Variants in RTN4 observed in about 807,000 individuals in gnomAD.
RTN4 encodes the protein reticulon-4.
In RTN4, 32 loss-of-function variants were observed where a neutral mutation model predicts 90.4. The observed-to-expected ratio is 0.35, with a 90% confidence interval of 0.27 to 0.48. The LOEUF (loss-of-function observed/expected upper bound fraction) is 0.48. Ranked by LOEUF, RTN4 falls within the 20% of genes least tolerant of loss-of-function variation. RTN4 has a pLI of 0.99. For missense variants in RTN4, 1,706 were observed against 1,430.2 expected, an observed-to-expected ratio of 1.19 and a Z score of -3.11; for synonymous variants, 629 against 552.5, an observed-to-expected ratio of 1.14 and a Z score of -1.94.
chr2:54,993,588 A>C (rs1379316021), intron 3 of RTN4, among the ~76,000 whole-genome samples: 1 of 152,202 alleles, frequency 6.6e-6, no homozygotes, highest in East Asian at 1.9e-4. Context: ...CGGTCTTTTC[A>C]ATAAATGGAA....
intron 1 of RTN4, among the ~76,000 whole-genome samples, chr2:55,045,201 A>T (rs182186324): frequency 1.2e-3 from 188 of 152,322 alleles, no homozygotes; most frequent in African/African-American, 4.0e-3. Context: ...ATTTTATACA[A>T]ATTTTCATGG....
intron 3 of RTN4, among the ~76,000 whole-genome samples, chr2:55,002,010 T>C (rs1473810971): frequency 6.6e-6 from 1 of 152,152 alleles, no homozygotes; most frequent in Admixed American, 6.5e-5. Flanking sequence ...TTCATAGTTA[T>C]TGGTTTTTAT....
At chr2:55,016,827 G>A (rs1314483996) in intron 3 of RTN4, among the ~76,000 whole-genome samples, 1 of 152,074 alleles carries the variant, frequency 6.6e-6, no homozygotes, top group African/African-American at 2.4e-5. Context: ...CTAAAATATT[G>A]AAGCTCAAGT....
At chr2:54,991,477 T>C (rs1013778038) in intron 3 of RTN4, among the ~76,000 whole-genome samples, 3 of 152,170 alleles carry the variant, frequency 2.0e-5, no homozygotes, top group East Asian at 1.9e-4. Flanking sequence ...AGCTCAGCAA[T>C]TGTGTGATTT....
chr2:54,982,557 G>A lies in RTN4; in HGVS notation c.3318C>T (p.Leu1106=), dbSNP rs1473227859. The change falls in exon 5 of 9, where the codon CTC becomes CTT. Residue 1106 remains leucine (L), a synonymous_variant. Transcript: ENST00000337526. ...LGHVNCTIKE[L]RRLFLVDDLV... ...AATCATCAACTAAGAAGAGGCGCCTGAGTTCCTTTATCGTGCAGTTCACAT... is the reference window on the plus strand; with the variant it reads ...AATCATCAACTAAGAAGAGGCGCCTAAGTTCCTTTATCGTGCAGTTCACAT... 2 of 1,613,296 alleles carry A rather than the reference G, an allele frequency of 1.2e-6. No individual in the cohort carries two copies. The highest frequency in any genetic ancestry group is 1.7e-6 in the Non-Finnish European group (2 of 1,179,820).
intron 1 of RTN4, among the ~76,000 whole-genome samples, chr2:55,081,265 C>T (rs1200721310): frequency 1.3e-5 from 2 of 151,948 alleles, no homozygotes; most frequent in African/African-American, 4.8e-5. Context: ...TTTGTAGAGA[C>T]AGGGTCTCAC....
chr2:55,118,098 T>G, the RTN4 span, among the ~76,000 whole-genome samples: 2 of 152,310 alleles, frequency 1.3e-5, no homozygotes, highest in Admixed American at 6.5e-5. Flanking sequence ...AACAAGCTTC[T>G]AAATGTTGCT....
chr2:54,985,153 C>CTTTTTTTTTT (rs71769973), intron 4 of RTN4, among the ~76,000 whole-genome samples: 5 of 57,896 alleles, frequency 8.6e-5, no homozygotes, highest in African/African-American at 2.9e-4. Flanking sequence ...ATGACTCGGC[C>CTTTTTTTTTT]TTTTTTTTTT....
intron 3 of RTN4, among the ~76,000 whole-genome samples, chr2:55,022,067 A>G (rs1444969513): frequency 5.3e-5 from 8 of 152,158 alleles, no homozygotes; most frequent in African/African-American, 1.4e-4. Context: ...CCTTACTTCT[A>G]AACTATTAGG....
chr2:55,049,725 C>T lies in RTN4; in HGVS notation c.556+20G>A. 7.2e-7 allele frequency: 1 copy of T among 1,393,588 alleles called. No homozygotes were observed. The highest frequency in any genetic ancestry group is 9.4e-7 in the Non-Finnish European group (1 of 1,066,032). 86.3% of individuals were successfully genotyped at this position (1,393,588 alleles called of 1,614,324 possible). A position where few individuals can be genotyped will look rare whatever the true frequency, so the allele number is the denominator to read the frequency against. ...GAGGGGCGCGAGGGGCGGCGCGAAG[C>T]GAGAGGTCGCGGCACTCACCCACTG... On this transcript the variant is annotated intron_variant, in intron 1 of 8. Transcript: ENST00000337526.
intron 1 of RTN4, among the ~76,000 whole-genome samples, chr2:55,043,022 A>C (rs1029309955): frequency 1.3e-5 from 2 of 152,230 alleles, no homozygotes; most frequent in African/African-American, 4.8e-5. Context: ...TCAATAGCTT[A>C]AATATGAAAT....
rs1668039348 is a variant in RTN4, at chr2:55,050,376, G to T, written c.-76C>A. 2.0e-6 allele frequency: 2 copies of T among 988,364 alleles called. No individual in the cohort carries two copies. Among genetic ancestry groups the T allele is most frequent in the Non-Finnish European group, 2.8e-6 (2 of 725,720 alleles). The allele number at this position is 988,364 out of a possible 1,614,324, so 61.2% of individuals were successfully genotyped here. ...GCGTCTCAGAGCCGCGGGCGGTTGT[G>T]GGGGTTGGGGAGGACTGAGAGGGGC... On this transcript the variant is annotated 5_prime_UTR_variant, in exon 1 of 9. Transcript: ENST00000337526. The surrounding 1 kb of genome is among the most constrained non-coding windows in gnomAD (Gnocchi z 4.6).
chr2:55,072,891 A>G (rs367543730), intron 2 of RTN4, among the ~76,000 whole-genome samples: 1 of 152,194 alleles, frequency 6.6e-6, no homozygotes, highest in East Asian at 1.9e-4. Flanking sequence ...TATTTCAAAT[A>G]ATCAAAAGAG....
At position 55,025,762 on chromosome 2, in the gene RTN4, CATT is replaced by C. The variant is rs1285705722; in HGVS notation, c.2334_2336del (p.Met779del). ...GTTTTTCCTTATTTTCATATTCTAT[CATT>C]GACTCAAATGAAGTCTCAGTGAGAC... On this transcript the variant is annotated inframe_deletion, in exon 3 of 9. Coordinates refer to ENST00000337526, the MANE Select transcript of RTN4 (RefSeq NM_020532.5). 3 of 1,613,344 alleles carry C rather than the reference CATT, an allele frequency of 1.9e-6. No homozygotes were observed. The African/African-American group carries it at 4.0e-5, about 22-fold the overall frequency.
intron 3 of RTN4, among the ~76,000 whole-genome samples, chr2:55,019,512 A>T (rs575483042): frequency 4.6e-5 from 7 of 152,320 alleles, no homozygotes; most frequent in Non-Finnish European, 8.8e-5. Flanking sequence ...ATAGCAGATA[A>T]CTCTAGAAGT....
intron 2 of RTN4, among the ~76,000 whole-genome samples, chr2:55,075,130 G>T (rs1667846782): frequency 6.6e-6 from 1 of 152,188 alleles, no homozygotes; most frequent in South Asian, 2.1e-4. Context: ...TAATGAGGAA[G>T]TCAAACTGTC....
chr2:54,974,532 T>C (rs1677446081), intron 6 of RTN4, among the ~76,000 whole-genome samples, 163 bp downstream of exon 6: 1 of 152,166 alleles, frequency 6.6e-6, no homozygotes, highest in Non-Finnish European at 1.5e-5. Context: ...CCGCCCACCT[T>C]GGCCTCCCAA....
At chr2:55,021,539 T>C (rs1301649759) in intron 3 of RTN4, among the ~76,000 whole-genome samples, 2 of 151,486 alleles carry the variant, frequency 1.3e-5, no homozygotes, top group African/African-American at 4.9e-5. Context: ...CCCAGGCAGG[T>C]CTCGAACTCC....
intron 1 of RTN4, among the ~76,000 whole-genome samples, chr2:55,093,382 T>C (rs1006022202): frequency 1.5e-5 from 2 of 132,152 alleles, no homozygotes; most frequent in East Asian, 2.1e-4. Context: ...AAATAATTTA[T>C]TCTATATATA....
Sources: allele counts gnomAD v4.1 joint callset (sites outside exome capture counted in the v4.1 genomes callset), GRCh38; gene constraint gnomAD v4.1.1; non-coding constraint Gnocchi (gnomAD v3.1); transcripts MANE v1.5; gene names NCBI Gene and HGNC (gene_info 2026-07-23, HGNC 2026-07-21).